Variants in ADAM12 observed in about 807,000 individuals in gnomAD.
The protein encoded by ADAM12 is disintegrin and metalloproteinase domain-containing protein 12.
ADAM12 carries 70 observed loss-of-function variants against 106.4 expected under a neutral mutation model. The ratio of observed to expected loss-of-function variants is 0.66; its 90% CI spans 0.54 to 0.80. The LOEUF is 0.80. Ranked by LOEUF, ADAM12 falls within the 30% of genes least tolerant of loss-of-function variation. The pLI, the probability that ADAM12 is intolerant of heterozygous loss-of-function variation, is 0.00. For synonymous variants in ADAM12, 420 were observed against 433.5 expected, an observed-to-expected ratio of 0.97 and a Z score of 0.39; for missense variants, 1,010 against 1,171.9, an observed-to-expected ratio of 0.86 and a Z score of 2.02.
chr10:126,276,355 C>T (rs1959244650), intron 3 of ADAM12, among the ~76,000 whole-genome samples: 1 of 152,176 alleles, frequency 6.6e-6, no homozygotes, highest in Admixed American at 6.5e-5. Flanking sequence ...TCTATTGGGC[C>T]AATGGCTATG....
chr10:126,020,713 G>T (rs1037287774), intron 21 of ADAM12, among the ~76,000 whole-genome samples: 2 of 152,092 alleles, frequency 1.3e-5, no homozygotes, highest in African/African-American at 2.4e-5. Flanking sequence ...AAAAACGGCG[G>T]GGCGTGGTAG....
intron 3 of ADAM12, among the ~76,000 whole-genome samples, chr10:126,250,781 A>T (rs1958730859): frequency 6.6e-6 from 1 of 152,178 alleles, no homozygotes; most frequent in African/African-American, 2.4e-5. Flanking sequence ...CTCTAGTGTA[A>T]TTTCACAACC....
chr10:126,088,495 G>C (rs1427230784), intron 11 of ADAM12, among the ~76,000 whole-genome samples: 1 of 151,204 alleles, frequency 6.6e-6, no homozygotes, highest in Non-Finnish European at 1.5e-5. Context: ...GAGGTCAGGA[G>C]TTCAAGACCA....
intron 3 of ADAM12, 73 bp downstream of exon 3, chr10:126,278,842 A>G (rs1201160236): frequency 5.9e-6 from 7 of 1,180,788 alleles, no homozygotes; most frequent in African/African-American, 1.5e-5. Flanking sequence ...ACCCCAACAT[A>G]AATCACAGAG....
intron 18 of ADAM12, among the ~76,000 whole-genome samples, chr10:126,040,074 CT>C (rs1316966457): frequency 1.3e-5 from 2 of 152,130 alleles, no homozygotes; most frequent in African/African-American, 4.8e-5. Flanking sequence ...ATGAAAACAT[CT>C]TCTTTTCTAT....
chr10:126,235,833 C>T (rs1330273601), intron 3 of ADAM12, among the ~76,000 whole-genome samples: 1 of 152,210 alleles, frequency 6.6e-6, no homozygotes, highest in African/African-American at 2.4e-5. Context: ...ATCGCAGGGC[C>T]TGGCAACTGG....
intron 7 of ADAM12, 24 bp downstream of exon 7, chr10:126,109,751 T>G: frequency 6.2e-7 from 1 of 1,603,714 alleles, no homozygotes; most frequent in Non-Finnish European, 8.5e-7. Context: ...CCAACCATAC[T>G]GAGAAATTTT....
intron 14 of ADAM12, among the ~76,000 whole-genome samples, chr10:126,050,775 C>T (rs1710279): frequency 0.41 from 62,688 of 152,098 alleles, 13,192 homozygotes; most frequent in East Asian, 0.51. Flanking sequence ...TCAACACACA[C>T]GTGCCACACC....
intron 3 of ADAM12, among the ~76,000 whole-genome samples, chr10:126,190,807 A>T (rs1957484990): frequency 6.6e-6 from 1 of 152,048 alleles, no homozygotes. Flanking sequence ...GAATGTTCCC[A>T]CACAGGGCAG....
rs118122195 is a variant in ADAM12 at position 126,167,479 on chromosome 10, C to T, written c.261-12174G>A. Among the ~76,000 whole-genome samples, 153 of 152,248 alleles carry T rather than the reference C, an allele frequency of 1.0e-3. 2 individuals are homozygous for T. The East Asian group carries it at 0.016, about 16-fold the overall frequency. On this transcript the variant is annotated intron_variant, in intron 3 of 22. Coordinates refer to ENST00000448723, the MANE Select transcript of ADAM12 (RefSeq NM_001288973.2). Reference sequence around the variant, plus strand: ...GGGTGAATCTATTTCCCACTTATTGCCATGGGTCAAAACTGAAAGGAACAA... The same window carrying T: ...GGGTGAATCTATTTCCCACTTATTGTCATGGGTCAAAACTGAAAGGAACAA...
At chr10:126,157,612 C>T (rs542092830) in intron 3 of ADAM12, among the ~76,000 whole-genome samples, 8 of 152,286 alleles carry the variant, frequency 5.3e-5, no homozygotes, top group South Asian at 4.1e-4. Flanking sequence ...AGAGAGTGTG[C>T]GGAAAACATA....
intron 4 of ADAM12, among the ~76,000 whole-genome samples, chr10:126,153,727 G>A (rs972360253): frequency 1.3e-5 from 2 of 151,994 alleles, no homozygotes; most frequent in African/African-American, 4.8e-5. Flanking sequence ...CTTCCATGAG[G>A]GCATCTCATG....
chr10:126,169,587 A>G (rs1957083242), intron 3 of ADAM12, among the ~76,000 whole-genome samples: 1 of 151,566 alleles, frequency 6.6e-6, no homozygotes, highest in Admixed American at 6.6e-5. Context: ...TTTCTACTCT[A>G]AAAAAAATAA....
At chr10:126,315,511 GCATAAAAAT>G (rs1297608389) in intron 2 of ADAM12, among the ~76,000 whole-genome samples, 2 of 152,036 alleles carry the variant, frequency 1.3e-5, no homozygotes, top group African/African-American at 2.4e-5. Context: ...GAAGTATGTG[GCATAAAAAT>G]CAGAATATTA....
chr10:126,064,683 G>T lies in ADAM12; in HGVS notation c.1609+123C>A. The T allele has an allele frequency of 1.9e-6, 2 of 1,046,134 alleles. No individual in the cohort carries two copies. The highest frequency in any genetic ancestry group is 2.8e-6 in the Non-Finnish European group (2 of 725,896). 64.8% of individuals were successfully genotyped at this position (1,046,134 alleles called of 1,614,324 possible). On this transcript the variant is annotated intron_variant, in intron 14 of 22. Transcript: ENST00000448723. This position sits in a 1 kb window ranked among gnomAD's most constrained non-coding sequence, Gnocchi z 4.4. ...TCAATCACTCCCGACTGAACACACC[G>T]GATGCTGTGTGGACAGCGCCCGCCA...
chr10:126,236,032 G>A (rs371369945), intron 3 of ADAM12, among the ~76,000 whole-genome samples: 1 of 152,092 alleles, frequency 6.6e-6, no homozygotes, highest in African/African-American at 2.4e-5. Context: ...GGGCATCTTG[G>A]GCAGGCGCTG....
chr10:126,311,619 A>C (rs1291312074), intron 2 of ADAM12, among the ~76,000 whole-genome samples: 2 of 152,046 alleles, frequency 1.3e-5, no homozygotes, highest in African/African-American at 4.8e-5. Flanking sequence ...GGGAGGGGAG[A>C]GGAGCTGGAG....
chr10:126,271,068 G>A (rs1959172879), intron 3 of ADAM12, among the ~76,000 whole-genome samples: 1 of 152,082 alleles, frequency 6.6e-6, no homozygotes, highest in African/African-American at 2.4e-5. Flanking sequence ...TTCTACAAGG[G>A]CCCTCCACAG....
chr10:126,150,296 G>T (rs1047955354), intron 4 of ADAM12, among the ~76,000 whole-genome samples: 2 of 152,158 alleles, frequency 1.3e-5, no homozygotes, highest in African/African-American at 4.8e-5. Context: ...CGTCAAATGT[G>T]AACTCATGGC....
Sources: allele counts gnomAD v4.1 joint callset (sites outside exome capture counted in the v4.1 genomes callset), GRCh38; gene constraint gnomAD v4.1.1; non-coding constraint Gnocchi (gnomAD v3.1); transcripts MANE v1.5; gene names NCBI Gene and HGNC (gene_info 2026-07-23, HGNC 2026-07-21).